FKBP3: variants seen among roughly 807,000 people sequenced by gnomAD.
FKBP3 encodes FKBP prolyl isomerase 3.
FKBP3 carries 21 observed loss-of-function variants against 30.6 expected under a neutral mutation model. The observed-to-expected ratio is 0.69, with a 90% CI of 0.49 to 0.99. The LOEUF (loss-of-function observed/expected upper bound fraction) is 0.99. Among genes scored for constraint, FKBP3 ranks in the 50% least tolerant of loss-of-function variants. The pLI is 0.00. For missense variants in FKBP3, 283 were observed against 261.6 expected, an observed-to-expected ratio of 1.08 and a Z score of -0.56; for synonymous variants, 82 against 91.3, an observed-to-expected ratio of 0.90 and a Z score of 0.58.
chr14:45,118,068 G>C lies in FKBP3; in HGVS notation c.580C>G (p.Pro194Ala), dbSNP rs1884893860. 6.2e-7 allele frequency: 1 copy of C among 1,608,506 alleles called. No individual in the cohort carries two copies. Among genetic ancestry groups the C allele is most frequent in the Non-Finnish European group, 8.5e-7 (1 of 1,178,250 alleles). The change falls in exon 6 of 7, where the codon CCA becomes GCA. Residue 194 changes from proline to alanine, a missense_variant. Pro to Ala is a conservative substitution (Grantham distance 27). Transcript: ENST00000396062. ...KGEKARLEIE[P>A]EWAYGKKGQP... ...CCTTTCTTTCCGTAAGCCCATTCTGGTTCAATCTCCAGTCGAGCCTTTTCT... is the reference window on the plus strand; with the variant it reads ...CCTTTCTTTCCGTAAGCCCATTCTGCTTCAATCTCCAGTCGAGCCTTTTCT...
At chr14:45,133,934 C>T (rs1404774637) in intron 1 of FKBP3, among the ~76,000 whole-genome samples, 1 of 152,180 alleles carries the variant, frequency 6.6e-6, no homozygotes, top group Non-Finnish European at 1.5e-5. Flanking sequence ...AAGTTGGATA[C>T]ACCGTTCCCA....
At chr14:45,132,969 G>A (rs1885254949) in intron 1 of FKBP3, among the ~76,000 whole-genome samples, 1 of 152,154 alleles carries the variant, frequency 6.6e-6, no homozygotes, top group Non-Finnish European at 1.5e-5. Context: ...TTAAAATGGG[G>A]TAAGATCCCC....
chr14:45,121,628 C>A lies in FKBP3; in HGVS notation c.319-8G>T. On this transcript the variant is annotated splice_polypyrimidine_tract_variant and splice_region_variant and intron_variant, in intron 3 of 6. Coordinates refer to ENST00000396062, the MANE Select transcript of FKBP3 (RefSeq NM_002013.4). ...AGTATATTTTGGTGGACCCTAAAAA[C>A]AAAAAACAACACACACACACAGAGT... is the stretch of plus-strand genomic sequence containing the variant. The A allele has an allele frequency of 6.2e-7, 1 of 1,609,392 alleles. No homozygotes were observed. Among genetic ancestry groups the A allele is most frequent in the South Asian group, 1.1e-5 (1 of 90,706 alleles).
rs971031490 is a variant in FKBP3, at chr14:45,115,994, G to A, written c.*204C>T. 6 of 539,156 alleles carry A rather than the reference G, an allele frequency of 1.1e-5. No individual in the cohort carries two copies. The East Asian group carries it at 1.7e-4, about 16-fold the overall frequency. 33.4% of individuals were successfully genotyped at this position (539,156 alleles called of 1,614,324 possible). On this transcript the variant is annotated 3_prime_UTR_variant, in exon 7 of 7. Transcript: ENST00000396062. Reference sequence around the variant, plus strand: ...TCCTTGACCAGTATTTTACACAGCTGTAGGAAAGTATTTTAGACCAGGGAT... The same window carrying A: ...TCCTTGACCAGTATTTTACACAGCTATAGGAAAGTATTTTAGACCAGGGAT...
chr14:45,133,530 T>C (rs78116598), intron 1 of FKBP3: 2,184 of 155,238 alleles, frequency 0.014, 30 homozygotes, highest in Non-Finnish European at 0.022. Flanking sequence ...ATTTTAAAAA[T>C]TGTATAGAAA....
chr14:45,124,553 A>G (rs1316135696), intron 3 of FKBP3, among the ~76,000 whole-genome samples: 7 of 150,954 alleles, frequency 4.6e-5, no homozygotes, highest in Admixed American at 4.6e-4. Flanking sequence ...TTATATATAT[A>G]TATTTTTTTT....
At chr14:45,121,988 C>A (rs959343357) in intron 3 of FKBP3, among the ~76,000 whole-genome samples, 3 of 152,084 alleles carry the variant, frequency 2.0e-5, no homozygotes, top group African/African-American at 7.2e-5. Flanking sequence ...GTGACTTCCC[C>A]CCCACAAAGA....
rs999668565 is a variant in FKBP3 at position 45,134,478 on chromosome 14, T to C, written c.-22A>G. On this transcript the variant is annotated 5_prime_UTR_variant, in exon 1 of 7. Transcript: ENST00000396062. ...CCATCTTCCCCCGCTGCCTCCGCTT[T>C]ACTGAGCCAGCCCGCCGCAGTTCGG... The C allele has an allele frequency of 1.2e-6, 2 of 1,601,268 alleles. No individual in the cohort carries two copies. Among genetic ancestry groups the C allele is most frequent in the Non-Finnish European group, 1.7e-6 (2 of 1,172,392 alleles).
At chr14:45,121,414 ACTCATC>A (rs1884981812) in intron 4 of FKBP3, 65 bp downstream of exon 4, 1 of 1,301,478 alleles carries the variant, frequency 7.7e-7, no homozygotes, top group Admixed American at 1.9e-5. Flanking sequence ...ACTGCTAACT[ACTCATC>A]TGTCTGCCAC....
intron 3 of FKBP3, among the ~76,000 whole-genome samples, chr14:45,121,947 A>C (rs1487772301): frequency 6.6e-6 from 1 of 152,226 alleles, no homozygotes; most frequent in Non-Finnish European, 1.5e-5. Flanking sequence ...TTTAATTCCT[A>C]TGAAATCATA....
intron 6 of FKBP3, 70 bp downstream of exon 6, chr14:45,117,958 T>C: frequency 1.8e-6 from 2 of 1,139,014 alleles, no homozygotes; most frequent in Non-Finnish European, 2.6e-6. Flanking sequence ...ACAGCATCTT[T>C]CACATCCTCA....
In FKBP3 at chr14:45,116,207, A is replaced by G; in HGVS notation, c.666T>C (p.Asp222=). The part of the protein sequence containing the change: ...AKLTFEVELV[D]ID ...CTGAAGCACTGCTATTTCAATCAAT[A>G]TCCACTAATTCCACTTCAAAAGTGA... Residue 222 remains aspartate (D), a synonymous_variant, in exon 7 of 7, where the codon GAT becomes GAC. Transcript: ENST00000396062. 6.2e-7 allele frequency: 1 copy of G among 1,610,658 alleles called. No homozygotes were observed. The highest frequency in any genetic ancestry group is 8.5e-7 in the Non-Finnish European group (1 of 1,176,982).
intron 4 of FKBP3, 36 bp from the exon 5 acceptor site, chr14:45,120,990 C>G: frequency 2.1e-6 from 3 of 1,445,212 alleles, no homozygotes; most frequent in Non-Finnish European, 2.9e-6. Flanking sequence ...TAATGATATA[C>G]TCTAATTTAT....
rs1884829847 is a variant in FKBP3, at chr14:45,116,189, ACTG to A, written c.*6_*8del. 2 of 1,600,454 alleles carry A rather than the reference ACTG, an allele frequency of 1.2e-6. No individual in the cohort carries two copies. Among genetic ancestry groups the A allele is most frequent in the Non-Finnish European group, 8.6e-7 (1 of 1,167,816 alleles). The stretch of plus-strand genomic sequence containing the variant: ...TTGCTAATATCCTTAGAGCTGAAGC[ACTG>A]CTATTTCAATCAATATCCACTAATT... On this transcript the variant is annotated 3_prime_UTR_variant, in exon 7 of 7. Coordinates refer to ENST00000396062, the MANE Select transcript of FKBP3 (RefSeq NM_002013.4).
At position 45,127,989 on chromosome 14, in the gene FKBP3, G is replaced by C. The variant is rs533616313; in HGVS notation, c.318+1805C>G. Reference sequence around the variant, plus strand: ...GAGAAATTTTAAGCTCAGAAGAAGGGAATGGCAATGGCTAGACATTCACAT... The same window carrying C: ...GAGAAATTTTAAGCTCAGAAGAAGGCAATGGCAATGGCTAGACATTCACAT... On this transcript the variant is annotated intron_variant, in intron 3 of 6. Transcript: ENST00000396062. Among the ~76,000 whole-genome samples the C allele has an allele frequency of 7.9e-5, 12 of 152,292 alleles. No individual in the cohort carries two copies. In the South Asian group the frequency reaches 2.5e-3, roughly 32 times the overall value.
chr14:45,119,975 C>T (rs751859700), intron 5 of FKBP3, among the ~76,000 whole-genome samples: 16 of 152,100 alleles, frequency 1.1e-4, no homozygotes, highest in African/African-American at 3.6e-4. Context: ...CAGGCATGAG[C>T]CACCACGCCT....
intron 4 of FKBP3, 70 bp downstream of exon 4, chr14:45,121,415 C>G (rs1884981741): frequency 2.3e-6 from 3 of 1,325,654 alleles, no homozygotes; most frequent in Admixed American, 3.8e-5. Flanking sequence ...CTGCTAACTA[C>G]TCATCTGTCT....
intron 5 of FKBP3, 62 bp downstream of exon 5, chr14:45,120,825 G>A: frequency 7.6e-7 from 1 of 1,321,374 alleles, no homozygotes; most frequent in Non-Finnish European, 1.1e-6. Context: ...ATTCTTTACA[G>A]CACCATACCA....
chr14:45,131,862 C>G (rs2139089191), intron 1 of FKBP3, among the ~76,000 whole-genome samples: 1 of 152,270 alleles, frequency 6.6e-6, no homozygotes, highest in South Asian at 2.1e-4. Flanking sequence ...TATTTAATAA[C>G]TCAAGGTAAC....
Sources: allele counts gnomAD v4.1 joint callset (sites outside exome capture counted in the v4.1 genomes callset), GRCh38; gene constraint gnomAD v4.1.1; transcripts MANE v1.5; gene names NCBI Gene and HGNC (gene_info 2026-07-23, HGNC 2026-07-21).